MYO16: variants seen among roughly 807,000 people sequenced by gnomAD.
MYO16 encodes myosin XVI.
In MYO16, 94 loss-of-function variants were observed where a neutral mutation model predicts 205.3. That is an observed-to-expected ratio of 0.46 (90% CI 0.39 to 0.54). MYO16 has a LOEUF of 0.54. MYO16 is among the 20% of genes least tolerant of loss of function. The pLI is 0.00. For missense variants in MYO16, 2,315 were observed against 2,387.5 expected (o/e 0.97, Z 0.63); for synonymous variants, 988 against 954.0 (o/e 1.04, Z -0.66).
At chr13:108,813,485 G>A (rs905413258) in intron 7 of MYO16, among the ~76,000 whole-genome samples, 1 of 152,000 alleles carries the variant, frequency 6.6e-6, no homozygotes, top group African/African-American at 2.4e-5. Flanking sequence ...AATGAGTGCT[G>A]GCTCCAAATA....
At chr13:108,741,330 C>A (rs2139614215) in intron 4 of MYO16, among the ~76,000 whole-genome samples, 1 of 152,310 alleles carries the variant, frequency 6.6e-6, no homozygotes, top group Admixed American at 6.5e-5. Flanking sequence ...AGTGCTATGA[C>A]TCACTCCGAA....
the MYO16 span, among the ~76,000 whole-genome samples, chr13:108,574,143 G>A: frequency 6.6e-6 from 1 of 152,172 alleles, no homozygotes; most frequent in African/African-American, 2.4e-5. Context: ...ATGAGCCACT[G>A]CGCCCAGCCT....
At chr13:108,689,504 T>TGGTC (rs1566551494) in intron 2 of MYO16, among the ~76,000 whole-genome samples, 1 of 152,120 alleles carries the variant, frequency 6.6e-6, no homozygotes, top group Non-Finnish European at 1.5e-5. Context: ...TTTACTTGAG[T>TGGTC]GACCCATAAG....
rs112748727 is a variant in MYO16 at position 108,886,577 on chromosome 13, A to G, written c.1554-1795A>G. 1,673 of 440,138 alleles carry G rather than the reference A, an allele frequency of 3.8e-3. 5 individuals are homozygous for G. Among genetic ancestry groups the G allele is most frequent in the Middle Eastern group, 9.1e-3 (15 of 1,654 alleles). The allele number at this position is 440,138 out of a possible 1,614,324, so 27.3% of individuals were successfully genotyped here. On this transcript the variant is annotated intron_variant, in intron 13 of 34. Coordinates refer to ENST00000457511, the MANE Select transcript of MYO16 (RefSeq NM_001198950.3). ...AATACCACCAGAGCTTAGGGCGCAA[A>G]CTGCTGGCGGCTCCACCCCCCGTCC... is the stretch of plus-strand genomic sequence containing the variant.
chr13:108,740,987 G>A (rs1467688472), intron 4 of MYO16, among the ~76,000 whole-genome samples: 1 of 152,170 alleles, frequency 6.6e-6, no homozygotes, highest in Non-Finnish European at 1.5e-5. Context: ...TTGGAAAAGT[G>A]CAGTATTAGG....
intron 20 of MYO16, among the ~76,000 whole-genome samples, chr13:108,986,032 G>A (rs1210875309): frequency 6.6e-6 from 1 of 152,142 alleles, no homozygotes; most frequent in Non-Finnish European, 1.5e-5. Flanking sequence ...GAGGAGCAGA[G>A]GCACATCTTA....
chr13:109,103,851 G>C (rs1372329301), intron 28 of MYO16, among the ~76,000 whole-genome samples: 2 of 152,118 alleles, frequency 1.3e-5, no homozygotes, highest in Non-Finnish European at 2.9e-5. Flanking sequence ...GCTTTAGGTA[G>C]TCACAGGTTT....
intron 2 of MYO16, among the ~76,000 whole-genome samples, chr13:108,697,992 G>GT (rs1566556633): frequency 2.0e-5 from 3 of 152,086 alleles, no homozygotes; most frequent in Non-Finnish European, 4.4e-5. Flanking sequence ...CAAAGTGCTG[G>GT]GATTACAGGT....
At position 108,614,800 on chromosome 13, in the gene MYO16, C is replaced by T. The variant is rs138255756; in HGVS notation, c.-39+18561C>T. On this transcript the variant is annotated intron_variant, in intron 1 of 24. Transcript: ENST00000251041. ...ATGAACTTGGACCCATACTTCATACCATATACACAAATTAACAAAAAAATA... is the reference window on the plus strand; with the variant it reads ...ATGAACTTGGACCCATACTTCATACTATATACACAAATTAACAAAAAAATA... Among the ~76,000 whole-genome samples the T allele has an allele frequency of 6.4e-5, 9 of 140,948 alleles. No individual in the cohort carries two copies. The East Asian group carries it at 1.1e-3, about 17-fold the overall frequency. The allele number at this position is 140,948 out of a possible 152,430, so 92.5% of individuals were successfully genotyped here.
chr13:109,206,947 A>C lies in MYO16; in HGVS notation c.*111A>C. The C allele has an allele frequency of 1.1e-6, 1 of 871,500 alleles. No individual in the cohort carries two copies. The highest frequency in any genetic ancestry group is 1.8e-6 in the Non-Finnish European group (1 of 565,062). The allele number at this position is 871,500 out of a possible 1,614,324, so 54.0% of individuals were successfully genotyped here. On this transcript the variant is annotated 3_prime_UTR_variant, in exon 35 of 35. Coordinates refer to ENST00000457511, the MANE Select transcript of MYO16 (RefSeq NM_001198950.3). ...GGGGCTTCTCTCCACGCATTTAGAC[A>C]AAAAAAGCACAGGACACAGACACTA...
chr13:108,789,742 A>G (rs1566330095), intron 5 of MYO16, among the ~76,000 whole-genome samples: 2 of 152,172 alleles, frequency 1.3e-5, no homozygotes, highest in Admixed American at 6.5e-5. Context: ...TGGCAGTTCT[A>G]TGAGCACAGA....
At chr13:109,080,675 TTGA>T (rs935840888) in intron 27 of MYO16, among the ~76,000 whole-genome samples, 1 of 152,282 alleles carries the variant, frequency 6.6e-6, no homozygotes, top group East Asian at 1.9e-4. Context: ...CATTCTTTTA[TTGA>T]TGATCTACCA....
intron 2 of MYO16, among the ~76,000 whole-genome samples, chr13:108,706,965 G>A (rs979043229): frequency 3.9e-5 from 6 of 152,130 alleles, no homozygotes; most frequent in African/African-American, 1.4e-4. Flanking sequence ...CCTTGCCAAG[G>A]CTGGAACCTA....
intron 16 of MYO16, among the ~76,000 whole-genome samples, chr13:108,945,031 C>T (rs569392236): frequency 5.3e-5 from 8 of 152,272 alleles, no homozygotes; most frequent in South Asian, 2.1e-4. Flanking sequence ...GTGCTTGTCT[C>T]GAAGTTTCCA....
the MYO16 span, among the ~76,000 whole-genome samples, chr13:108,545,929 A>G: frequency 6.6e-6 from 1 of 152,190 alleles, no homozygotes; most frequent in Non-Finnish European, 1.5e-5. Flanking sequence ...TGTGAGGACC[A>G]CATTTGAAGA....
intron 21 of MYO16, among the ~76,000 whole-genome samples, chr13:108,997,334 A>AGAGAGAGAGAG (rs1885049292): frequency 1.9e-4 from 1 of 5,162 alleles, no homozygotes; most frequent in Non-Finnish European, 3.2e-4. Context: ...GAAAGAAAGA[A>AGAGAGAGAGAG]AGAAAGAGAG....
intron 9 of MYO16, among the ~76,000 whole-genome samples, chr13:108,828,570 A>T (rs1398565157): frequency 6.6e-6 from 1 of 152,136 alleles, no homozygotes; most frequent in African/African-American, 2.4e-5. Context: ...GTTACTCATG[A>T]GCCCTTTGGA....
intron 16 of MYO16, among the ~76,000 whole-genome samples, chr13:108,917,817 T>C (rs1302336038): frequency 6.6e-6 from 1 of 152,266 alleles, no homozygotes; most frequent in African/African-American, 2.4e-5. Flanking sequence ...GATGACACAT[T>C]GTTTTGGCTG....
intron 4 of MYO16, among the ~76,000 whole-genome samples, chr13:108,777,052 G>T (rs926630317): frequency 6.6e-6 from 1 of 152,138 alleles, no homozygotes; most frequent in Non-Finnish European, 1.5e-5. Context: ...AAAGTGCCAT[G>T]AGTCTCCTGC....
Sources: allele counts gnomAD v4.1 joint callset (sites outside exome capture counted in the v4.1 genomes callset), GRCh38; gene constraint gnomAD v4.1.1; transcripts MANE v1.5; gene names NCBI Gene and HGNC (gene_info 2026-07-23, HGNC 2026-07-21).